DCC: variants seen among roughly 807,000 people sequenced by gnomAD.
DCC encodes netrin receptor DCC.
A neutral mutation model predicts 172.5 loss-of-function variants in DCC; 58 were observed. The ratio of observed to expected loss-of-function variants is 0.34; its 90% CI spans 0.27 to 0.42. DCC has a LOEUF of 0.42. Among genes scored for constraint, DCC ranks in the 10% least tolerant of loss-of-function variants. The pLI is 1.00. For missense variants in DCC, 1,740 were observed against 1,791.0 expected (o/e 0.97, Z 0.51); for synonymous variants, 709 against 644.5 (o/e 1.10, Z -1.52).
intron 1 of DCC, among the ~76,000 whole-genome samples, chr18:52,442,253 G>A (rs948005517): frequency 6.6e-6 from 1 of 152,096 alleles, no homozygotes; most frequent in Non-Finnish European, 1.5e-5. Flanking sequence ...ACTGTGTAGA[G>A]TTTTCATGAT....
At chr18:53,002,298 C>T (rs553660247) in intron 5 of DCC, among the ~76,000 whole-genome samples, 9 of 152,140 alleles carry the variant, frequency 5.9e-5, no homozygotes, top group Non-Finnish European at 7.4e-5. Flanking sequence ...CTCATCATCA[C>T]GAAATGTCAA....
chr18:52,427,896 G>T (rs944475870), intron 1 of DCC, among the ~76,000 whole-genome samples: 1 of 96,554 alleles, frequency 1.0e-5, no homozygotes, highest in Non-Finnish European at 1.8e-5. Flanking sequence ...TCCTTCCTTG[G>T]CACATCTTTT....
chr18:53,423,162 T>A (rs1599132066), intron 21 of DCC, among the ~76,000 whole-genome samples: 1 of 152,188 alleles, frequency 6.6e-6, no homozygotes, highest in East Asian at 1.9e-4. Context: ...TTTAACCTTC[T>A]CACACCTGTA....
intron 2 of DCC, among the ~76,000 whole-genome samples, chr18:52,880,542 C>G (rs550454798): frequency 6.6e-6 from 1 of 152,172 alleles, no homozygotes; most frequent in East Asian, 1.9e-4. Flanking sequence ...GGTAACCATC[C>G]TTCTAATCTA....
intron 2 of DCC, among the ~76,000 whole-genome samples, chr18:52,843,934 T>C (rs1311234351): frequency 6.6e-6 from 1 of 152,154 alleles, no homozygotes; most frequent in Non-Finnish European, 1.5e-5. Flanking sequence ...TATACAACTT[T>C]AATCCTCCTT....
chr18:52,784,952 AG>A (rs1359567547), intron 2 of DCC, among the ~76,000 whole-genome samples: 15 of 148,658 alleles, frequency 1.0e-4, no homozygotes, highest in African/African-American at 3.8e-4. Context: ...AGAGAGAGAC[AG>A]AGAGAGAGAG....
chr18:52,895,041 A>G (rs1430949437), intron 2 of DCC, among the ~76,000 whole-genome samples: 1 of 152,214 alleles, frequency 6.6e-6, no homozygotes, highest in Non-Finnish European at 1.5e-5. Flanking sequence ...TAAGTAATGC[A>G]GTCAGTGCAG....
At chr18:53,066,219 C>T in intron 7 of DCC, 53 bp downstream of exon 7, 1 of 1,574,538 alleles carries the variant, frequency 6.4e-7, no homozygotes, top group East Asian at 2.2e-5. Context: ...TATTCATAGT[C>T]TGTTGGTAAA....
chr18:53,263,968 T>C (rs2056636381), intron 12 of DCC, among the ~76,000 whole-genome samples: 1 of 152,168 alleles, frequency 6.6e-6, no homozygotes, highest in African/African-American at 2.4e-5. Flanking sequence ...TAGTTTCTGA[T>C]TTATGTGTAA....
rs73461183 is a variant in DCC at position 53,411,524 on chromosome 18, A to G, written c.3130+878A>G. On this transcript the variant is annotated intron_variant, in intron 20 of 28. Transcript: ENST00000442544. ...ATGATAGTAAAGTAAAAAATTAGAA[A>G]CACACGTATGATTGGCTTCTTCTGT... 6.5e-3 allele frequency among the ~76,000 whole-genome samples: 991 copies of G among 152,258 alleles called. 9 individuals are homozygous for G. Among genetic ancestry groups the G allele is most frequent in the African/African-American group, 0.023 (966 of 41,568 alleles).
intron 7 of DCC, among the ~76,000 whole-genome samples, chr18:53,129,800 TTCAC>T (rs1222645908): frequency 1.3e-5 from 2 of 152,186 alleles, no homozygotes; most frequent in African/African-American, 4.8e-5. Flanking sequence ...GCTATGAACA[TTCAC>T]AGACAGATCT....
intron 7 of DCC, among the ~76,000 whole-genome samples, chr18:53,092,664 G>A (rs1478777721): frequency 1.3e-5 from 2 of 152,072 alleles, no homozygotes; most frequent in Non-Finnish European, 2.9e-5. Context: ...TTTTAGATGT[G>A]GAGTTAGCTG....
chr18:53,495,389 C>CTCA, intron 26 of DCC, among the ~76,000 whole-genome samples: 1 of 116,690 alleles, frequency 8.6e-6, no homozygotes, highest in South Asian at 3.0e-4. Flanking sequence ...GACTCCATCT[C>CTCA]AAAAAAAAAA....
intron 7 of DCC, among the ~76,000 whole-genome samples, chr18:53,112,085 G>C (rs897940830): frequency 6.7e-6 from 1 of 148,308 alleles, no homozygotes; most frequent in Non-Finnish European, 1.5e-5. Context: ...AGCCACTACA[G>C]GGGTAAAAAA....
intron 2 of DCC, among the ~76,000 whole-genome samples, chr18:52,832,022 C>T (rs1232860877): frequency 1.3e-4 from 20 of 152,156 alleles, no homozygotes; most frequent in Admixed American, 1.3e-3. Context: ...CCTTCTTCTA[C>T]ATCAGTAAAG....
chr18:52,368,923 C>A (rs1270897977), intron 1 of DCC, among the ~76,000 whole-genome samples: 1 of 152,286 alleles, frequency 6.6e-6, no homozygotes, highest in Middle Eastern at 3.4e-3. Context: ...AAGTATGTAT[C>A]ATGATGCAAA....
rs537635883 is a variant in DCC, at chr18:52,546,498, T to C, written c.92-205556T>C. On this transcript the variant is annotated intron_variant, in intron 1 of 28. Transcript: ENST00000442544. ...CTACTTACCTCTGACAGTTCTTGAC[T>C]GGGGACACCTATCAGAAGGGGACTC... Among the ~76,000 whole-genome samples the C allele has an allele frequency of 3.3e-5, 5 of 152,230 alleles. No homozygotes were observed. The East Asian group carries it at 9.7e-4, about 29-fold the overall frequency.
intron 1 of DCC, among the ~76,000 whole-genome samples, chr18:52,619,757 A>G (rs1277164438): frequency 6.6e-6 from 1 of 152,254 alleles, no homozygotes; most frequent in Non-Finnish European, 1.5e-5. Flanking sequence ...TTTTAACCTT[A>G]CCTAGAATAA....
At chr18:53,245,402 C>T (rs1216981785) in intron 12 of DCC, among the ~76,000 whole-genome samples, 1 of 152,098 alleles carries the variant, frequency 6.6e-6, no homozygotes, top group Non-Finnish European at 1.5e-5. Flanking sequence ...TCAGTTTACT[C>T]ATTTGTTATG....
Sources: allele counts gnomAD v4.1 joint callset (sites outside exome capture counted in the v4.1 genomes callset), GRCh38; gene constraint gnomAD v4.1.1; transcripts MANE v1.5; gene names NCBI Gene and HGNC (gene_info 2026-07-23, HGNC 2026-07-21).